Variants in FAM168A observed in about 807,000 individuals in gnomAD.
The protein encoded by FAM168A is family with sequence similarity 168 member A.
Under a neutral mutation model 28.5 loss-of-function variants are expected in FAM168A, and 3 were observed. The observed-to-expected ratio is 0.11, with a 90% CI of 0.05 to 0.27. The LOEUF (loss-of-function observed/expected upper bound fraction) is 0.27, where lower values mean the gene tolerates loss of function less well. Among genes scored for constraint, FAM168A ranks in the 10% least tolerant of loss-of-function variants. FAM168A has a pLI of 1.00. For synonymous variants in FAM168A, 122 were observed against 124.2 expected (o/e 0.98, Z 0.12); for missense variants, 222 against 311.5 (o/e 0.71, Z 2.16).
In FAM168A at chr11:73,498,612, C is replaced by T. The variant is rs183150105; in HGVS notation, c.-18-30120G>A. On this transcript the variant is annotated intron_variant, in intron 1 of 7. Transcript: ENST00000356467. ...TTGGAACTCGCAACTGCCTGACATG[C>T]TAAGCTCCCTGGGCAGGGTAAGGGC... is the stretch of plus-strand genomic sequence containing the variant. Among the ~76,000 whole-genome samples, 6 of 152,300 alleles carry T rather than the reference C, an allele frequency of 3.9e-5. No homozygotes were observed. The East Asian group carries it at 7.7e-4, about 20-fold the overall frequency.
At chr11:73,426,753 G>T (rs980244942) in intron 3 of FAM168A, among the ~76,000 whole-genome samples, 1 of 146,914 alleles carries the variant, frequency 6.8e-6, no homozygotes, top group African/African-American at 2.6e-5. Flanking sequence ...CAAAGGGAAA[G>T]GGATCTTCCC....
chr11:73,489,044 C>T (rs903075696), intron 1 of FAM168A, among the ~76,000 whole-genome samples: 1 of 151,820 alleles, frequency 6.6e-6, no homozygotes, highest in African/African-American at 2.4e-5. Context: ...GTATGCCCGT[C>T]TAATTTTTGT....
intron 1 of FAM168A, among the ~76,000 whole-genome samples, chr11:73,520,265 G>A (rs990866818): frequency 4.6e-5 from 7 of 151,730 alleles, no homozygotes; most frequent in Non-Finnish European, 7.4e-5. Context: ...GGCCAGGATG[G>A]TCTCGATCTC....
chr11:73,548,908 T>C (rs1943792717), intron 1 of FAM168A, among the ~76,000 whole-genome samples: 1 of 152,144 alleles, frequency 6.6e-6, no homozygotes, highest in African/African-American at 2.4e-5. Flanking sequence ...AGTGCTGGGA[T>C]TATAGGAGTG....
At chr11:73,449,124 C>T (rs745471702) in intron 2 of FAM168A, among the ~76,000 whole-genome samples, 7 of 152,046 alleles carry the variant, frequency 4.6e-5, no homozygotes, top group Admixed American at 1.3e-4. Context: ...CACAGGTGTG[C>T]GCCACCTAAT....
chr11:73,453,490 A>T (rs1005878301), intron 2 of FAM168A, among the ~76,000 whole-genome samples: 5 of 152,222 alleles, frequency 3.3e-5, no homozygotes, highest in African/African-American at 1.2e-4. Context: ...GCCCGCAAGC[A>T]GTTAACCCTC....
At chr11:73,469,983 C>T (rs958270870) in intron 1 of FAM168A, among the ~76,000 whole-genome samples, 10 of 152,120 alleles carry the variant, frequency 6.6e-5, no homozygotes, top group African/African-American at 2.4e-4. Context: ...GTGATCTTGG[C>T]TCACTGCAAC....
intron 1 of FAM168A, among the ~76,000 whole-genome samples, chr11:73,493,830 G>T (rs1248102724): frequency 6.6e-6 from 1 of 152,202 alleles, no homozygotes; most frequent in Non-Finnish European, 1.5e-5. Flanking sequence ...AAGAACAACA[G>T]AACAGAGGTG....
intron 1 of FAM168A, among the ~76,000 whole-genome samples, chr11:73,590,496 AATATATT>A (rs140980251): frequency 0.013 from 1,934 of 152,340 alleles, 16 homozygotes; most frequent in Non-Finnish European, 0.02. Context: ...GAGTCTCACA[AATATATT>A]ATATATGAAA....
At chr11:73,508,540 C>G (rs1026146047) in intron 1 of FAM168A, among the ~76,000 whole-genome samples, 1 of 151,984 alleles carries the variant, frequency 6.6e-6, no homozygotes, top group Admixed American at 6.6e-5. Flanking sequence ...CAGGTAGGTG[C>G]GTGCGTGCAT....
At chr11:73,478,462 C>A (rs892154455) in intron 1 of FAM168A, among the ~76,000 whole-genome samples, 7 of 152,014 alleles carry the variant, frequency 4.6e-5, no homozygotes, top group African/African-American at 1.7e-4. Flanking sequence ...GGACTCAGAG[C>A]AGGAATGGCG....
intron 1 of FAM168A, among the ~76,000 whole-genome samples, chr11:73,505,029 C>T (rs532200686): frequency 7.3e-5 from 11 of 151,466 alleles, no homozygotes; most frequent in Admixed American, 4.6e-4. Flanking sequence ...GGGAAGGGAA[C>T]TAAGAGTACG....
At position 73,430,701 on chromosome 11, in the gene FAM168A, C is replaced by T. The variant is rs1282203920; in HGVS notation, c.140G>A (p.Ser47Asn). 2 of 1,613,710 alleles carry T rather than the reference C, an allele frequency of 1.2e-6. No individual in the cohort carries two copies. The highest frequency in any genetic ancestry group is 2.7e-5 in the African/African-American group (2 of 74,978). ...NPSLYPTNSP[S>N]YAPATLLMKQ... ...CATTTCCTCCTTACCTGGAGCATAA[C>T]TGGGACTATTGGTGGGGTACAGGCT... The change falls in exon 3 of 8, where the codon AGT (serine) becomes AAT (asparagine). Residue 47 changes from serine (S) to asparagine (N), a missense_variant. Around this residue, in one of 3 missense-constraint regions of FAM168A, gnomAD observed 153 missense variants for 189.2 expected, o/e 0.81. Transcript: ENST00000356467.
chr11:73,430,831 A>AAAACC, intron 2 of FAM168A, 61 bp from the exon 3 acceptor site: 1 of 1,345,724 alleles, frequency 7.4e-7, no homozygotes. Context: ...AAAACAAAAC[A>AAAACC]AAACAAAAAA....
At chr11:73,528,064 G>A (rs1331087799) in intron 1 of FAM168A, among the ~76,000 whole-genome samples, 4 of 152,150 alleles carry the variant, frequency 2.6e-5, no homozygotes, top group Admixed American at 2.6e-4. Flanking sequence ...CCATGCAGTG[G>A]ATAATCACAA....
At chr11:73,576,524 C>T (rs933361752) in intron 1 of FAM168A, among the ~76,000 whole-genome samples, 3 of 152,114 alleles carry the variant, frequency 2.0e-5, no homozygotes, top group African/African-American at 7.2e-5. Context: ...TGAGCGGTTA[C>T]CAGAAGCAGT....
intron 1 of FAM168A, among the ~76,000 whole-genome samples, chr11:73,518,143 C>T (rs1286269581): frequency 2.0e-5 from 3 of 152,162 alleles, no homozygotes; most frequent in Non-Finnish European, 2.9e-5. Flanking sequence ...ACTTTTACAC[C>T]GTAGTGGTGA....
intron 1 of FAM168A, among the ~76,000 whole-genome samples, chr11:73,583,225 C>T (rs942663076): frequency 6.6e-6 from 1 of 152,140 alleles, no homozygotes; most frequent in Non-Finnish European, 1.5e-5. Context: ...ATTACTTGAA[C>T]CCAGGAGGCA....
chr11:73,571,672 C>G (rs1413385566), intron 1 of FAM168A, among the ~76,000 whole-genome samples: 3 of 152,080 alleles, frequency 2.0e-5, no homozygotes, highest in Non-Finnish European at 1.5e-5. Flanking sequence ...ACCACTCCGT[C>G]TGGGAAGTGA....
Sources: allele counts gnomAD v4.1 joint callset (sites outside exome capture counted in the v4.1 genomes callset), GRCh38; gene constraint gnomAD v4.1.1; regional missense constraint gnomAD v4.1.1; transcripts MANE v1.5; gene names NCBI Gene and HGNC (gene_info 2026-07-23, HGNC 2026-07-21).